The following ACCS variants were observed in gnomAD, a reference collection of about 807,000 sequenced individuals.
ACCS encodes 1-aminocyclopropane-1-carboxylate synthase homolog (inactive), also known as 1-aminocyclopropane-1-carboxylate synthase-like protein 1.
In ACCS, 42 loss-of-function variants were observed where a neutral mutation model predicts 59.8. The observed-to-expected ratio is 0.70, with a 90% CI of 0.55 to 0.91. The LOEUF (loss-of-function observed/expected upper bound fraction) is 0.91, where lower values mean the gene tolerates loss of function less well. ACCS is among the 40% of genes least tolerant of loss of function. ACCS has a pLI of 0.00. For synonymous variants in ACCS, 230 were observed against 240.3 expected, an observed-to-expected ratio of 0.96 and a Z score of 0.40; for missense variants, 602 against 630.4, an observed-to-expected ratio of 0.95 and a Z score of 0.48.
chr11:44,077,957 G>A (rs1419621890), intron 8 of ACCS, 35 bp downstream of exon 8: 1 of 1,607,918 alleles, frequency 6.2e-7, no homozygotes, highest in South Asian at 1.1e-5. Flanking sequence ...GGCTGGGTGT[G>A]GGTGGGTCTG....
At chr11:44,071,033 G>T (rs866502138) in intron 2 of ACCS, among the ~76,000 whole-genome samples, 1 of 152,278 alleles carries the variant, frequency 6.6e-6, no homozygotes, top group African/African-American at 2.4e-5. Context: ...TTATAGGGGG[G>T]ACTTCATGGA....
intron 6 of ACCS, chr11:44,075,997 C>G (rs1231888113): frequency 1.2e-5 from 2 of 167,860 alleles, no homozygotes; most frequent in African/African-American, 4.7e-5. Flanking sequence ...ACTCATATGC[C>G]TGTTTCCAAA....
chr11:44,073,520 A>G lies in ACCS; in HGVS notation c.419+3A>G, dbSNP rs1283828493. On this transcript the variant is annotated splice_donor_region_variant and intron_variant, in intron 4 of 14. Transcript: ENST00000263776. ...GCTGACTGGAGGGGACATCTGTTGT[A>G]AGTAGTTGCCATAGGGTGAGTTTGT... 1 of 1,604,922 alleles carries G rather than the reference A, an allele frequency of 6.2e-7. No individual in the cohort carries two copies. The highest frequency in any genetic ancestry group is 1.3e-5 in the African/African-American group (1 of 74,748).
Position 44,075,628 on chromosome 11 carries a change from C to T in ACCS, c.556+36C>T, listed in dbSNP as rs535307823. On this transcript the variant is annotated intron_variant, in intron 6 of 14. Transcript: ENST00000263776. ...TCTGTGGCCTGCCCCGCACTGTGAG[C>T]CTCATTGTGCTTGCAGGGTTCCCAG... The T allele has an allele frequency of 2.6e-5, 42 of 1,606,906 alleles. No individual in the cohort carries two copies. In the Middle Eastern group the frequency reaches 5.0e-4, roughly 19 times the overall value.
chr11:44,069,985 C>T (rs945384793), intron 2 of ACCS, among the ~76,000 whole-genome samples: 4 of 152,162 alleles, frequency 2.6e-5, no homozygotes, highest in Non-Finnish European at 5.9e-5. Flanking sequence ...GCAGAGGAAA[C>T]AGCCAGTGCA....
chr11:44,077,991 T>A, intron 8 of ACCS, 69 bp downstream of exon 8: 1 of 1,546,910 alleles, frequency 6.5e-7, no homozygotes, highest in Non-Finnish European at 8.7e-7. Flanking sequence ...CCCCTCTTCT[T>A]GTGACTGATC....
rs375522537 is a variant in ACCS at position 44,079,573 on chromosome 11, C to T, written c.876C>T (p.Ser292=). The T allele has an allele frequency of 5.8e-5, 93 of 1,612,222 alleles. 1 individual carries two copies. The South Asian group carries it at 7.0e-4, about 12-fold the overall frequency. Reference sequence around the variant, plus strand: ...TTGTGGATGAGGTCTACATGCTGTCCGTGTTTGAGAAGTCTGTTGGGTACC... The same window carrying T: ...TTGTGGATGAGGTCTACATGCTGTCTGTGTTTGAGAAGTCTGTTGGGTACC... ...HVIVDEVYML[S]VFEKSVGYRS... Residue 292 remains serine, a synonymous_variant, in exon 10 of 15, where the codon TCC becomes TCT. Transcript: ENST00000263776.
chr11:44,077,640 A>G lies in ACCS; in HGVS notation c.655-205A>G, dbSNP rs76818320. On this transcript the variant is annotated intron_variant, in intron 7 of 14. Coordinates refer to ENST00000263776, the MANE Select transcript of ACCS (RefSeq NM_032592.4). The stretch of plus-strand genomic sequence containing the variant: ...GGAACAGAGCAGGGTAGACCTAAGC[A>G]TGACACCCAAGAGTGATGAGGGGGT... 1.0e-5 allele frequency: 15 copies of G among 1,437,114 alleles called. No homozygotes were observed. In the South Asian group the frequency reaches 1.8e-4, roughly 17 times the overall value. The allele number at this position is 1,437,114 out of a possible 1,614,324, so 89.0% of individuals were successfully genotyped here. A position where few individuals can be genotyped will look rare whatever the true frequency, so the allele number is the denominator to read the frequency against.
In ACCS at chr11:44,067,992, G is replaced by A. The variant is rs763667035; in HGVS notation, c.288+77G>A. The A allele has an allele frequency of 4.1e-4, 602 of 1,455,678 alleles. 1 individual carries two copies. Among genetic ancestry groups the A allele is most frequent in the Middle Eastern group, 7.1e-4 (3 of 4,206 alleles). The allele number at this position is 1,455,678 out of a possible 1,614,324, so 90.2% of individuals were successfully genotyped here. ...GTACCCTACCTTGACCAATAAGGCA[G>A]CATCCAGCCTGCTCTTATGAGGTTG... On this transcript the variant is annotated intron_variant, in intron 2 of 14. Coordinates refer to ENST00000263776, the MANE Select transcript of ACCS (RefSeq NM_032592.4).
chr11:44,081,343 C>T, intron 12 of ACCS, 23 bp downstream of exon 12: 1 of 1,610,206 alleles, frequency 6.2e-7, no homozygotes, highest in Non-Finnish European at 8.5e-7. Context: ...GCCTGGTGAC[C>T]TGAAAATGGG....
At chr11:44,080,956 A>G (rs1009866527) in intron 10 of ACCS, 64 bp from the exon 11 acceptor site, 18 of 1,599,290 alleles carry the variant, frequency 1.1e-5, no homozygotes, top group African/African-American at 2.7e-5. Flanking sequence ...CATTTGTTCA[A>G]CCAAACACAT....
At position 44,075,583 on chromosome 11, in the gene ACCS, G is replaced by T; in HGVS notation, c.547G>T (p.Glu183Ter). 1 of 1,614,102 alleles carries T rather than the reference G, an allele frequency of 6.2e-7. No homozygotes were observed. Among genetic ancestry groups the T allele is most frequent in the Non-Finnish European group, 8.5e-7 (1 of 1,180,028 alleles). Reference protein sequence around the residue: ...LFSALATVLCEAGEAFLIPTP... With the variant: ...LFSALATVLC ...CTCTGCTCTGGCCACGGTGCTGTGTGAGGCCGGGGGTAAGTGAGCTCTGTG... is the reference window on the plus strand; with the variant it reads ...CTCTGCTCTGGCCACGGTGCTGTGTTAGGCCGGGGGTAAGTGAGCTCTGTG... Residue 183 changes from glutamate to a stop codon, truncating the protein, a stop_gained, in exon 6 of 15, where the codon GAG becomes TAG. Transcript: ENST00000263776. LOFTEE classifies it high-confidence loss of function.
At chr11:44,069,289 G>A (rs1045136281) in intron 2 of ACCS, among the ~76,000 whole-genome samples, 23 of 151,566 alleles carry the variant, frequency 1.5e-4, no homozygotes, top group Admixed American at 5.9e-4. Flanking sequence ...GCATGATCTC[G>A]GATCACTGCA....
Position 44,078,708 on chromosome 11 carries a change from C to A in ACCS, c.757C>A (p.Leu253Ile). The part of the protein sequence containing the change: ...SEGVKVKGLI[L>I]ISPQNPLGDV... ...GGGTGTGAAGGTCAAAGGCCTCATC[C>A]TCATCAGCCCCCAGAACCCTCTGGG... is the stretch of plus-strand genomic sequence containing the variant. The change falls in exon 9 of 15, where the codon CTC becomes ATC. Residue 253 changes from leucine to isoleucine, a missense_variant. Coordinates refer to ENST00000263776, the MANE Select transcript of ACCS (RefSeq NM_032592.4). 1 of 1,614,096 alleles carries A rather than the reference C, an allele frequency of 6.2e-7. No homozygotes were observed. Among genetic ancestry groups the A allele is most frequent in the Non-Finnish European group, 8.5e-7 (1 of 1,180,016 alleles).
chr11:44,081,139 A>G, intron 11 of ACCS, 40 bp from the exon 12 acceptor site: 1 of 1,614,176 alleles, frequency 6.2e-7, no homozygotes, highest in Non-Finnish European at 8.5e-7. Flanking sequence ...AGCTTCCTCC[A>G]TGGAGGGCTG....
rs1039174524 is a variant in ACCS, at chr11:44,071,307, T to C, written c.340T>C (p.Ser114Pro). The change falls in exon 3 of 15, where the codon TCC becomes CCC. Residue 114 changes from serine (S) to proline (P), a missense_variant. Transcript: ENST00000263776. The part of the protein sequence containing the change: ...SENKLCFDLL[S>P]WRLSQRDMQR... ...GAACAAACTCTGCTTTGACCTGCTG[T>C]CCTGGCGGGTAAGTCCTAGGGCCCC... is the stretch of plus-strand genomic sequence containing the variant. The C allele has an allele frequency of 6.8e-6, 11 of 1,613,966 alleles. No individual in the cohort carries two copies. In the African/African-American group the frequency reaches 1.5e-4, roughly 22 times the overall value.
In ACCS at chr11:44,079,490, TA is replaced by T. The variant is rs1265842061; in HGVS notation, c.834-40del. On this transcript the variant is annotated intron_variant, in intron 9 of 14. Coordinates refer to ENST00000263776, the MANE Select transcript of ACCS (RefSeq NM_032592.4). ...CCCACCCTGTGGGACGCATCTGCCC[TA>T]CACACTAAGTCTCTCCTCCCCACCC... 1.9e-6 allele frequency: 3 copies of T among 1,555,000 alleles called. No homozygotes were observed. The Admixed American group carries it at 5.4e-5, about 28-fold the overall frequency.
intron 8 of ACCS, chr11:44,078,424 G>T: frequency 2.3e-6 from 1 of 435,088 alleles, no homozygotes; most frequent in Non-Finnish European, 4.1e-6. Flanking sequence ...AATTTTGAAA[G>T]TGCAAAAGGC....
At chr11:44,073,254 C>A (rs1009002168) in intron 3 of ACCS, 193 bp from the exon 4 acceptor site, 1 of 646,384 alleles carries the variant, frequency 1.5e-6, no homozygotes, top group Non-Finnish European at 2.8e-6. Context: ...GCTCTGTGAC[C>A]TTGGCTGAGT....
Sources: allele counts gnomAD v4.1 joint callset (sites outside exome capture counted in the v4.1 genomes callset), GRCh38; gene constraint gnomAD v4.1.1; transcripts MANE v1.5; gene names NCBI Gene and HGNC (gene_info 2026-07-23, HGNC 2026-07-21).